MMP24: variants seen among roughly 807,000 people sequenced by gnomAD.
MMP24 encodes matrix metalloproteinase-24.
A neutral mutation model predicts 62.8 loss-of-function variants in MMP24; 25 were observed. The observed-to-expected ratio is 0.40, with a 90% CI of 0.29 to 0.56. The LOEUF (loss-of-function observed/expected upper bound fraction) is 0.56, where lower values mean the gene tolerates loss of function less well. Among genes scored for constraint, MMP24 ranks in the 20% least tolerant of loss-of-function variants. MMP24 has a pLI of 0.50. For missense variants in MMP24, 634 were observed against 853.6 expected, an observed-to-expected ratio of 0.74 and a Z score of 3.21; for synonymous variants, 319 against 350.5, an observed-to-expected ratio of 0.91 and a Z score of 1.00.
intron 4 of MMP24, chr20:35,256,394 A>G (rs965722413): frequency 6.6e-6 from 1 of 152,178 alleles, no homozygotes; most frequent in African/African-American, 2.4e-5. Flanking sequence ...ACTGTAGGGC[A>G]CAGCAGAATC....
intron 1 of MMP24, among the ~76,000 whole-genome samples, chr20:35,228,364 A>C (rs2060424239): frequency 6.6e-6 from 1 of 152,160 alleles, no homozygotes; most frequent in African/African-American, 2.4e-5. Flanking sequence ...TTGCTGGTTG[A>C]CTTGTTGTGG....
rs367713309 is a variant in MMP24 at position 35,271,542 on chromosome 20, C to T, written c.1334-27C>T. 2 of 1,601,952 alleles carry T rather than the reference C, an allele frequency of 1.2e-6. No homozygotes were observed. The highest frequency in any genetic ancestry group is 2.2e-5 in the South Asian group (2 of 89,514). On this transcript the variant is annotated intron_variant, in intron 7 of 8. Coordinates refer to ENST00000246186, the MANE Select transcript of MMP24 (RefSeq NM_006690.4). This position sits in a 1 kb window ranked among gnomAD's most constrained non-coding sequence, Gnocchi z 4.0. ...AAACGGCACTGAGTGACTGGGGAAGCTGATCCTGGGCTCCTCTTGGCCACA... is the reference window on the plus strand; with the variant it reads ...AAACGGCACTGAGTGACTGGGGAAGTTGATCCTGGGCTCCTCTTGGCCACA...
intron 1 of MMP24, among the ~76,000 whole-genome samples, chr20:35,243,728 C>G (rs544920550): frequency 6.6e-6 from 1 of 152,248 alleles, no homozygotes; most frequent in African/African-American, 2.4e-5. Context: ...AATAACTTAG[C>G]CTGACACGTC....
chr20:35,244,372 C>A (rs1184917767), intron 1 of MMP24, among the ~76,000 whole-genome samples: 1 of 152,076 alleles, frequency 6.6e-6, no homozygotes, highest in Non-Finnish European at 1.5e-5. Flanking sequence ...CCAGCTGATG[C>A]CACACATATT....
intron 3 of MMP24, among the ~76,000 whole-genome samples, chr20:35,253,207 CAG>C (rs2060556642): frequency 6.7e-6 from 1 of 149,114 alleles, no homozygotes; most frequent in Non-Finnish European, 1.5e-5. Flanking sequence ...AGATCTAAGA[CAG>C]AGATCCTCAA....
Position 35,274,561 on chromosome 20 carries a change from C to G in MMP24, c.1890C>G (p.Gly630=), listed in dbSNP as rs750638014. The G allele has an allele frequency of 1.4e-4, 230 of 1,613,862 alleles. 1 individual carries two copies. The highest frequency in any genetic ancestry group is 1.9e-4 in the Non-Finnish European group (225 of 1,179,876). The change falls in exon 9 of 9, where the codon GGC becomes GGG. Residue 630 remains glycine, a synonymous_variant. Transcript: ENST00000246186. The surrounding 1 kb of genome is among the most constrained non-coding windows in gnomAD (Gnocchi z 5.1). ...TCTTCCAGTTCAAGAACAAGACAGG[C>G]CCTCAGCCTGTCACCTACTATAAGC... The part of the protein sequence containing the change: ...YTIFQFKNKT[G]PQPVTYYKRP...
Position 35,243,512 on chromosome 20 carries a change from A to G in MMP24, c.247-3328A>G, listed in dbSNP as rs573699543. Among the ~76,000 whole-genome samples the G allele has an allele frequency of 3.6e-4, 55 of 152,266 alleles. No individual in the cohort carries two copies. In the South Asian group the frequency reaches 7.7e-3, roughly 21 times the overall value. ...TAGGTGCTCAGTTAATGCTTGTTGA[A>G]TGCACATAATGAGCAACTACTGTAT... is the stretch of plus-strand genomic sequence containing the variant. On this transcript the variant is annotated intron_variant, in intron 1 of 8. Coordinates refer to ENST00000246186, the MANE Select transcript of MMP24 (RefSeq NM_006690.4).
In MMP24 at chr20:35,275,798, G is replaced by A. The variant is rs879565329; in HGVS notation, c.*1189G>A. ...CCAGAGCTTGGCCCTTGCTGACCTCGCTCACTGGGCCCATCTTCCCACACT... is the reference window on the plus strand; with the variant it reads ...CCAGAGCTTGGCCCTTGCTGACCTCACTCACTGGGCCCATCTTCCCACACT... On this transcript the variant is annotated 3_prime_UTR_variant, in exon 9 of 9. Coordinates refer to ENST00000246186, the MANE Select transcript of MMP24 (RefSeq NM_006690.4). 1.3e-5 allele frequency: 5 copies of A among 387,570 alleles called. No individual in the cohort carries two copies. Among genetic ancestry groups the A allele is most frequent in the African/African-American group, 2.1e-5 (1 of 48,386 alleles). The allele number at this position is 387,570 out of a possible 1,614,324, so 24.0% of individuals were successfully genotyped here.
At chr20:35,260,153 C>T (rs1374829368) in intron 4 of MMP24, among the ~76,000 whole-genome samples, 1 of 151,984 alleles carries the variant, frequency 6.6e-6, no homozygotes, top group African/African-American at 2.4e-5. Context: ...GCCTCTCCTC[C>T]TCATACCTCT....
At chr20:35,255,108 A>G (rs888665166) in intron 4 of MMP24, among the ~76,000 whole-genome samples, 2 of 152,222 alleles carry the variant, frequency 1.3e-5, no homozygotes, top group African/African-American at 4.8e-5. Flanking sequence ...AGGCAGGTGG[A>G]TCACCTGAGG....
chr20:35,265,721 C>A (rs975183059), intron 5 of MMP24, among the ~76,000 whole-genome samples: 1 of 151,014 alleles, frequency 6.6e-6, no homozygotes, highest in Non-Finnish European at 1.5e-5. Context: ...CTCTACCCCC[C>A]CAAAAATATA....
chr20:35,254,773 AG>A lies in MMP24; in HGVS notation c.817+23del, dbSNP rs1409179037. 1.3e-6 allele frequency: 2 copies of A among 1,597,880 alleles called. No individual in the cohort carries two copies. The highest frequency in any genetic ancestry group is 4.5e-5 in the East Asian group (2 of 44,780). On this transcript the variant is annotated intron_variant, in intron 4 of 8. Transcript: ENST00000246186. Reference sequence around the variant, plus strand: ...CATGACGGTAAGGCCATGAGGGGACAGGGGTCAGTCTTGGGCTGCTCAGTTG... The same window carrying A: ...CATGACGGTAAGGCCATGAGGGGACAGGGTCAGTCTTGGGCTGCTCAGTTG...
At chr20:35,263,108 C>G (rs961660949) in intron 4 of MMP24, 1 of 152,770 alleles carries the variant, frequency 6.5e-6, no homozygotes, top group Admixed American at 6.5e-5. Flanking sequence ...CGCCTGGACC[C>G]CAGCATCCAA....
intron 4 of MMP24, among the ~76,000 whole-genome samples, chr20:35,257,599 T>C (rs976669844): frequency 2.6e-5 from 4 of 152,010 alleles, no homozygotes; most frequent in African/African-American, 9.7e-5. Context: ...GCACTGGGGG[T>C]GTGCACTTCC....
chr20:35,255,852 A>G (rs919085243), intron 4 of MMP24, among the ~76,000 whole-genome samples: 10 of 152,196 alleles, frequency 6.6e-5, no homozygotes, highest in Non-Finnish European at 1.5e-4. Context: ...AAAGTCTTGC[A>G]AAGACCAGGG....
chr20:35,249,785 G>T (rs2060535142), intron 2 of MMP24, among the ~76,000 whole-genome samples: 1 of 150,960 alleles, frequency 6.6e-6, no homozygotes, highest in Non-Finnish European at 1.5e-5. Context: ...AGTACAGACG[G>T]GGTTTCACCA....
At position 35,226,697 on chromosome 20, in the gene MMP24, G is replaced by C; in HGVS notation, c.-42G>C. ...GCTGGCGGCCGAGGCGGCGGCGGCG[G>C]CGGCGAAGGCAGGCGGGCCGGGCGC... On this transcript the variant is annotated 5_prime_UTR_variant, in exon 1 of 9. Transcript: ENST00000246186. 1 of 435,224 alleles carries C rather than the reference G, an allele frequency of 2.3e-6. No homozygotes were observed. The highest frequency in any genetic ancestry group is 3.0e-6 in the Non-Finnish European group (1 of 332,378). The allele number at this position is 435,224 out of a possible 1,614,324, so 27.0% of individuals were successfully genotyped here.
chr20:35,266,284 A>G (rs1027928624), intron 5 of MMP24, among the ~76,000 whole-genome samples: 7 of 146,426 alleles, frequency 4.8e-5, no homozygotes, highest in African/African-American at 1.8e-4. Flanking sequence ...CCTGGGAGGC[A>G]GAGGTTGCAG....
At chr20:35,273,964 A>C (rs2060688151) in intron 8 of MMP24, among the ~76,000 whole-genome samples, 1 of 152,184 alleles carries the variant, frequency 6.6e-6, no homozygotes, top group Non-Finnish European at 1.5e-5. Flanking sequence ...ACAGTGTGAC[A>C]GAGCTGTGAC....
Sources: gnomAD v4.1 joint callset for allele counts (sites outside exome capture counted in the v4.1 genomes callset) on GRCh38, gnomAD v4.1.1 for gene constraint, Gnocchi (gnomAD v3.1) non-coding constraint, MANE v1.5 for transcripts, NCBI Gene and HGNC (gene_info 2026-07-23, HGNC 2026-07-21) for gene names.